The following ODAD2 variants were observed in gnomAD, a reference collection of about 807,000 sequenced individuals.
The protein encoded by ODAD2 is outer dynein arm-docking complex subunit 2.
ODAD2 carries 89 observed loss-of-function variants against 106.8 expected under a neutral mutation model. The observed-to-expected ratio is 0.83, with a 90% CI of 0.70 to 0.99. ODAD2 has a LOEUF of 0.99. Ranked by LOEUF, ODAD2 falls within the 50% of genes least tolerant of loss-of-function variation. The probability of loss-of-function intolerance (pLI) is 0.00; values close to 1 mark genes in which losing one functional copy is unlikely to be tolerated. For missense variants in ODAD2, 1,168 were observed against 1,238.5 expected, an observed-to-expected ratio of 0.94 and a Z score of 0.85; for synonymous variants, 404 against 436.2, an observed-to-expected ratio of 0.93 and a Z score of 0.92.
chr10:27,826,504 T>A (rs1837055768), intron 19 of ODAD2, among the ~76,000 whole-genome samples: 1 of 152,118 alleles, frequency 6.6e-6, no homozygotes, highest in South Asian at 2.1e-4. Context: ...CAAGCATATG[T>A]CTTTGCCTCC....
At chr10:27,932,877 C>T (rs538824661) in intron 16 of ODAD2, among the ~76,000 whole-genome samples, 167 of 152,288 alleles carry the variant, frequency 1.1e-3, no homozygotes, top group African/African-American at 3.8e-3. Context: ...GTAATCCCCA[C>T]GACAGCAGGA....
rs570338067 is a variant in ODAD2 at position 27,934,352 on chromosome 10, C to T, written c.2495+658G>A. On this transcript the variant is annotated intron_variant, in intron 16 of 19. Transcript: ENST00000305242. Reference sequence around the variant, plus strand: ...CAGCTTTAAGTCACCCAGGTTCCTCCTTTGTTGGAGTAAAGATATATATCT... The same window carrying T: ...CAGCTTTAAGTCACCCAGGTTCCTCTTTTGTTGGAGTAAAGATATATATCT... Among the ~76,000 whole-genome samples the T allele has an allele frequency of 5.3e-5, 8 of 151,146 alleles. No homozygotes were observed. In the South Asian group the frequency reaches 1.7e-3, roughly 32 times the overall value.
intron 3 of ODAD2, among the ~76,000 whole-genome samples, chr10:27,986,234 G>A (rs922160020): frequency 6.6e-6 from 1 of 152,110 alleles, no homozygotes; most frequent in African/African-American, 2.4e-5. Context: ...ATCACACAGA[G>A]ATTTACAAAA....
chr10:27,925,174 A>T (rs1437964606), intron 16 of ODAD2, among the ~76,000 whole-genome samples: 1 of 152,132 alleles, frequency 6.6e-6, no homozygotes, highest in Non-Finnish European at 1.5e-5. Context: ...GAAAAACAGT[A>T]CACTATGACT....
intron 8 of ODAD2, among the ~76,000 whole-genome samples, chr10:27,969,833 C>T (rs1848720433): frequency 6.6e-6 from 1 of 152,140 alleles, no homozygotes; most frequent in Non-Finnish European, 1.5e-5. Flanking sequence ...GGGCTGGGTG[C>T]AGTGGCTCAC....
chr10:27,823,003 A>G (rs1274431831), intron 19 of ODAD2, among the ~76,000 whole-genome samples: 1 of 152,210 alleles, frequency 6.6e-6, no homozygotes, highest in Non-Finnish European at 1.5e-5. Flanking sequence ...AATGGGATAT[A>G]TAATAGAGAG....
At chr10:27,846,979 A>G (rs1242682214) in intron 19 of ODAD2, among the ~76,000 whole-genome samples, 6 of 152,366 alleles carry the variant, frequency 3.9e-5, no homozygotes, top group Middle Eastern at 3.4e-3. Context: ...TTCACAGCCA[A>G]ATTCTACCAG....
At chr10:27,831,668 G>T (rs1387727867) in intron 19 of ODAD2, among the ~76,000 whole-genome samples, 1 of 152,212 alleles carries the variant, frequency 6.6e-6, no homozygotes, top group Non-Finnish European at 1.5e-5. Flanking sequence ...CTTGGCGTAC[G>T]TGCCCACACA....
intron 19 of ODAD2, among the ~76,000 whole-genome samples, chr10:27,833,526 C>T (rs980738906): frequency 4.6e-5 from 7 of 152,126 alleles, no homozygotes; most frequent in Admixed American, 1.3e-4. Flanking sequence ...TATGTGGCTA[C>T]GTAGAAGAAA....
chr10:27,919,163 AT>A (rs1430163083), intron 16 of ODAD2, among the ~76,000 whole-genome samples: 1 of 151,978 alleles, frequency 6.6e-6, no homozygotes, highest in African/African-American at 2.4e-5. Context: ...AATCAGTTGA[AT>A]TTCAACTGAG....
chr10:27,894,069 C>G (rs1842720175), intron 17 of ODAD2, among the ~76,000 whole-genome samples: 1 of 152,126 alleles, frequency 6.6e-6, no homozygotes, highest in African/African-American at 2.4e-5. Context: ...TGCTTGAGCC[C>G]AGGAGATTGA....
At chr10:27,908,571 T>C (rs1213928958) in intron 16 of ODAD2, among the ~76,000 whole-genome samples, 1 of 152,156 alleles carries the variant, frequency 6.6e-6, no homozygotes. Context: ...TATATTAAAC[T>C]CAAAGCAGAT....
rs371517131 is a variant in ODAD2 at position 27,821,345 on chromosome 10, G to T, written c.3022-8720C>A. 9.2e-5 allele frequency among the ~76,000 whole-genome samples: 14 copies of T among 152,226 alleles called. No individual in the cohort carries two copies. The East Asian group carries it at 1.4e-3, about 15-fold the overall frequency. The stretch of plus-strand genomic sequence containing the variant: ...ATTGCTTTGTTATACACCCAGAGGG[G>T]CTAGGCATCTAAAGGTGTTTTACAA... On this transcript the variant is annotated intron_variant, in intron 19 of 19. Coordinates refer to ENST00000305242, the MANE Select transcript of ODAD2 (RefSeq NM_018076.5).
intron 17 of ODAD2, among the ~76,000 whole-genome samples, chr10:27,865,071 C>A (rs940266778): frequency 5.3e-5 from 8 of 152,090 alleles, no homozygotes; most frequent in Non-Finnish European, 1.2e-4. Flanking sequence ...ACAGCAACCC[C>A]TGCCCTTAGG....
intron 1 of ODAD2, among the ~76,000 whole-genome samples, chr10:27,998,775 G>A (rs1214243967): frequency 6.6e-6 from 1 of 152,108 alleles, no homozygotes; most frequent in Non-Finnish European, 1.5e-5. Context: ...CTGCGGGGGT[G>A]AGCGTGGAGA....
chr10:27,896,721 G>A (rs187586119), intron 17 of ODAD2, among the ~76,000 whole-genome samples: 1 of 152,032 alleles, frequency 6.6e-6, no homozygotes, highest in East Asian at 1.9e-4. Context: ...CTCCATCTGT[G>A]CTTGTGTATG....
chr10:27,885,761 T>A (rs1342236109), intron 17 of ODAD2, among the ~76,000 whole-genome samples: 1 of 44,316 alleles, frequency 2.3e-5, no homozygotes, highest in Non-Finnish European at 4.0e-5. Context: ...ATATATATTT[T>A]ATATATATTA....
At chr10:27,909,411 A>G (rs1198032504) in intron 16 of ODAD2, among the ~76,000 whole-genome samples, 1 of 152,202 alleles carries the variant, frequency 6.6e-6, no homozygotes, top group Non-Finnish European at 1.5e-5. Flanking sequence ...AAAATTCACT[A>G]TAATTGTAAA....
intron 10 of ODAD2, among the ~76,000 whole-genome samples, chr10:27,955,867 C>G (rs1847692746): frequency 6.6e-6 from 1 of 152,056 alleles, no homozygotes; most frequent in East Asian, 1.9e-4. Flanking sequence ...CCAAAACCTG[C>G]CAGGGAGGAG....
Sources: gnomAD v4.1 joint callset for allele counts (sites outside exome capture counted in the v4.1 genomes callset) on GRCh38, gnomAD v4.1.1 for gene constraint, MANE v1.5 for transcripts, NCBI Gene and HGNC (gene_info 2026-07-23, HGNC 2026-07-21) for gene names.